SEMA4B: variants seen among roughly 807,000 people sequenced by gnomAD.
SEMA4B encodes semaphorin 4B.
In SEMA4B, 55 loss-of-function variants were observed where a neutral mutation model predicts 88.1. The ratio of observed to expected loss-of-function variants is 0.62; its 90% CI spans 0.50 to 0.78. SEMA4B has a LOEUF of 0.78. Among genes scored for constraint, SEMA4B ranks in the 30% least tolerant of loss-of-function variants. The pLI, the probability that SEMA4B is intolerant of heterozygous loss-of-function variation, is 0.00. For missense variants in SEMA4B, 1,062 were observed against 1,111.9 expected, an observed-to-expected ratio of 0.96 and a Z score of 0.64; for synonymous variants, 525 against 473.6, an observed-to-expected ratio of 1.11 and a Z score of -1.41.
intron 1 of SEMA4B, among the ~76,000 whole-genome samples, chr15:90,188,590 T>A (rs565920691): frequency 2.0e-5 from 3 of 151,224 alleles, no homozygotes; most frequent in East Asian, 2.0e-4. Context: ...ATCGCACCAC[T>A]GCACTCCAGC....
At chr15:90,217,334 G>C in intron 1 of SEMA4B, 105 bp from the exon 2 acceptor site, 12 of 1,218,942 alleles carry the variant, frequency 9.8e-6, no homozygotes, top group Non-Finnish European at 1.4e-5. Context: ...GCCACCCTTT[G>C]CCTTGCTGAT....
At chr15:90,189,735 G>A (rs138566177) in intron 1 of SEMA4B, among the ~76,000 whole-genome samples, 2,656 of 152,096 alleles carry the variant, frequency 0.017, 26 homozygotes, top group Non-Finnish European at 0.026. Flanking sequence ...TTTTTTTGGC[G>A]GGGAGTGGGG....
chr15:90,229,189 G>A lies in SEMA4B; in HGVS notation c.*546G>A. 2 of 399,106 alleles carry A rather than the reference G, an allele frequency of 5.0e-6. No individual in the cohort carries two copies. The highest frequency in any genetic ancestry group is 3.6e-5 in the South Asian group (2 of 56,104). The allele number at this position is 399,106 out of a possible 1,614,324, so 24.7% of individuals were successfully genotyped here. A position where few individuals can be genotyped will look rare whatever the true frequency, so the allele number is the denominator to read the frequency against. ...TTGCCAGTCAGCCGAGGATGTAGTTGTTGCTGCCGTCGTCCCACCACCTCA... is the reference window on the plus strand; with the variant it reads ...TTGCCAGTCAGCCGAGGATGTAGTTATTGCTGCCGTCGTCCCACCACCTCA... On this transcript the variant is annotated 3_prime_UTR_variant, in exon 14 of 14. Coordinates refer to ENST00000411539, the MANE Select transcript of SEMA4B (RefSeq NM_198925.4).
In SEMA4B at chr15:90,226,288, T is replaced by C. The variant is rs981038357; in HGVS notation, c.1688+461T>C. On this transcript the variant is annotated intron_variant, in intron 12 of 13. Transcript: ENST00000411539. Reference sequence around the variant, plus strand: ...AGTGAGATTTTGATATATTATCCTCTCAGGTTTTACTACATATGTGTATAG... The same window carrying C: ...AGTGAGATTTTGATATATTATCCTCCCAGGTTTTACTACATATGTGTATAG... Among the ~76,000 whole-genome samples the C allele has an allele frequency of 1.6e-4, 25 of 152,240 alleles. 1 individual carries two copies. The highest frequency in any genetic ancestry group is 2.9e-5 in the Non-Finnish European group (2 of 68,044).
rs558313594 is a variant in SEMA4B at position 90,228,017 on chromosome 15, A to G, written c.1888A>G (p.Asn630Asp). The G allele has an allele frequency of 2.2e-5, 36 of 1,613,748 alleles. No individual in the cohort carries two copies. The highest frequency in any genetic ancestry group is 3.0e-5 in the Non-Finnish European group (35 of 1,179,880). Residue 630 changes from asparagine to aspartate, a missense_variant, in exon 14 of 14, where the codon AAT (asparagine) becomes GAT (aspartate). By Grantham distance (23) the Asn-to-Asp change is conservative. Coordinates refer to ENST00000411539, the MANE Select transcript of SEMA4B (RefSeq NM_198925.4). Reference protein sequence around the residue: ...RLWLRNGAPVNASASCHVLPT... With the variant: ...RLWLRNGAPVDASASCHVLPT... ...CTGGCTACGCAACGGGGCCCCCGTCAATGCCTCGGCCTCCTGCCACGTGCT... is the reference window on the plus strand; with the variant it reads ...CTGGCTACGCAACGGGGCCCCCGTCGATGCCTCGGCCTCCTGCCACGTGCT...
At position 90,224,968 on chromosome 15, in the gene SEMA4B, T is replaced by C; in HGVS notation, c.1195T>C (p.Cys399Arg). The change falls in exon 10 of 14, where the codon TGC becomes CGC. Residue 399 changes from cysteine (C) to arginine (R), a missense_variant and splice_region_variant. Cys to Arg is a radical substitution (Grantham distance 180). Coordinates refer to ENST00000411539, the MANE Select transcript of SEMA4B (RefSeq NM_198925.4). ...HPVPTPRPGA[C>R]ITNSARERKI... The stretch of plus-strand genomic sequence containing the variant: ...CTCACACTGCTGCTTTCTCCTCCAG[T>C]GCATCACCAACAGTGCCCGGGAAAG... The C allele has an allele frequency of 6.2e-7, 1 of 1,613,628 alleles. No homozygotes were observed. The highest frequency in any genetic ancestry group is 1.1e-5 in the South Asian group (1 of 91,072).
At position 90,214,312 on chromosome 15, in the gene SEMA4B, G is replaced by A. The variant is rs183393457; in HGVS notation, c.158-3127G>A. On this transcript the variant is annotated intron_variant, in intron 1 of 13. Coordinates refer to ENST00000411539, the MANE Select transcript of SEMA4B (RefSeq NM_198925.4). ...CATTGCACTCCAGCCTGGACAACAA[G>A]AGAGAAACTCCGTCTCAAAAAAAAA... Among the ~76,000 whole-genome samples the A allele has an allele frequency of 1.7e-3, 203 of 116,312 alleles. 2 individuals are homozygous for A. The highest frequency in any genetic ancestry group is 6.2e-3 in the African/African-American group (172 of 27,790). The allele number at this position is 116,312 out of a possible 152,430, so 76.3% of individuals were successfully genotyped here. A position where few individuals can be genotyped will look rare whatever the true frequency, so the allele number is the denominator to read the frequency against.
chr15:90,226,867 A>C (rs989399414), intron 12 of SEMA4B, among the ~76,000 whole-genome samples: 1 of 151,874 alleles, frequency 6.6e-6, no homozygotes, highest in African/African-American at 2.4e-5. Context: ...CTGTCTCCTG[A>C]GTGTATCCAG....
intron 1 of SEMA4B, among the ~76,000 whole-genome samples, chr15:90,189,979 C>T (rs1334297822): frequency 1.3e-5 from 2 of 152,132 alleles, no homozygotes; most frequent in East Asian, 3.9e-4. Flanking sequence ...TTGTGGAAAC[C>T]AAAAGATGAG....
chr15:90,192,818 T>G (rs1960383957), intron 1 of SEMA4B, among the ~76,000 whole-genome samples: 1 of 152,196 alleles, frequency 6.6e-6, no homozygotes, highest in South Asian at 2.1e-4. Flanking sequence ...CTCAAACTCC[T>G]GACCTTGTGA....
At position 90,227,551 on chromosome 15, in the gene SEMA4B, C is replaced by T. The variant is rs1962233507; in HGVS notation, c.1689-6C>T. On this transcript the variant is annotated splice_polypyrimidine_tract_variant and splice_region_variant and intron_variant, in intron 12 of 13. Coordinates refer to ENST00000411539, the MANE Select transcript of SEMA4B (RefSeq NM_198925.4). ...GGCCAATCCCAGAATTCTCTCTGGC[C>T]CTCAGGCCGTGGATCCAGGACATCG... The T allele has an allele frequency of 1.2e-6, 2 of 1,613,772 alleles. No homozygotes were observed. The highest frequency in any genetic ancestry group is 1.7e-6 in the Non-Finnish European group (2 of 1,179,734).
chr15:90,187,752 A>C (rs946993403), intron 1 of SEMA4B, among the ~76,000 whole-genome samples: 3 of 152,160 alleles, frequency 2.0e-5, no homozygotes, highest in African/African-American at 7.2e-5. Context: ...CACGCCTGTA[A>C]TCCCAGCATT....
chr15:90,196,201 TCCAGG>T (rs1376427385), intron 1 of SEMA4B, among the ~76,000 whole-genome samples: 4 of 152,034 alleles, frequency 2.6e-5, no homozygotes, highest in Non-Finnish European at 5.9e-5. Flanking sequence ...GTGCTGGGAT[TCCAGG>T]CGTGAGCTGC....
upstream of SEMA4B, among the ~76,000 whole-genome samples, chr15:90,200,309 C>T (rs1960658913): frequency 1.3e-5 from 2 of 152,148 alleles, no homozygotes. Context: ...GTCTCTACTG[C>T]CATGGAAATA....
At chr15:90,210,602 T>C (rs1295531197) in intron 1 of SEMA4B, among the ~76,000 whole-genome samples, 3 of 152,188 alleles carry the variant, frequency 2.0e-5, no homozygotes, top group African/African-American at 4.8e-5. Context: ...CTTGTGAGGA[T>C]GACATGACTT....
chr15:90,218,409 G>A (rs1470874247), intron 3 of SEMA4B, among the ~76,000 whole-genome samples: 1 of 152,238 alleles, frequency 6.6e-6, no homozygotes, highest in African/African-American at 2.4e-5. Context: ...ACAGGTTCAA[G>A]TCCTGGCTGC....
chr15:90,185,036 G>A, exon 1 of SEMA4B: 1 of 985,416 alleles, frequency 1.0e-6, no homozygotes, highest in Non-Finnish European at 1.2e-6. Flanking sequence ...AGGAAGAGCG[G>A]CCCCGCGGGG....
intron 1 of SEMA4B, among the ~76,000 whole-genome samples, chr15:90,195,609 T>G (rs1363512863): frequency 6.9e-6 from 1 of 145,710 alleles, no homozygotes; most frequent in Non-Finnish European, 1.5e-5. Flanking sequence ...GTTTTGTACT[T>G]GTTGTTTTTT....
intron 1 of SEMA4B, among the ~76,000 whole-genome samples, chr15:90,215,296 T>C (rs988043158): frequency 1.3e-5 from 2 of 151,924 alleles, no homozygotes; most frequent in African/African-American, 2.4e-5. Flanking sequence ...CTAAAAATGA[T>C]AACAAGTAAA....
Sources: gnomAD v4.1 joint callset for allele counts (sites outside exome capture counted in the v4.1 genomes callset) on GRCh38, gnomAD v4.1.1 for gene constraint, MANE v1.5 for transcripts, NCBI Gene and HGNC (gene_info 2026-07-23, HGNC 2026-07-21) for gene names.